RBFOX1: variants seen among roughly 807,000 people sequenced by gnomAD.
RBFOX1 encodes the protein RNA binding fox-1 homolog 1.
RBFOX1 carries 8 observed loss-of-function variants against 57.7 expected under a neutral mutation model. The observed-to-expected ratio is 0.14, with a 90% CI of 0.08 to 0.25. The LOEUF is 0.25. Ranked by LOEUF, RBFOX1 falls within the 10% of genes least tolerant of loss-of-function variation. The probability of loss-of-function intolerance (pLI) is 1.00; values close to 1 mark genes in which losing one functional copy is unlikely to be tolerated. For missense variants in RBFOX1, 611 were observed against 548.5 expected (o/e 1.11, Z -1.14); for synonymous variants, 326 against 222.4 (o/e 1.47, Z -4.15).
chr16:7,125,885 C>G (rs1248517331), intron 4 of RBFOX1, among the ~76,000 whole-genome samples: 2 of 152,080 alleles, frequency 1.3e-5, no homozygotes, highest in South Asian at 4.1e-4. Context: ...GAGTTCAAGA[C>G]CATCCTGGCC....
At chr16:6,144,301 T>TG (rs1301203354) in intron 1 of RBFOX1, among the ~76,000 whole-genome samples, 1 of 152,232 alleles carries the variant, frequency 6.6e-6, no homozygotes, top group Non-Finnish European at 1.5e-5. Context: ...ATGGGCTTCC[T>TG]GCTTCAGTTT....
At chr16:6,899,168 A>G (rs28515973) in intron 3 of RBFOX1, among the ~76,000 whole-genome samples, 2 of 143,866 alleles carry the variant, frequency 1.4e-5, no homozygotes, top group East Asian at 2.1e-4. Context: ...TAACATGTGT[A>G]TGTGTGTGTA....
chr16:6,914,429 A>T (rs1478712771), intron 3 of RBFOX1, among the ~76,000 whole-genome samples: 1 of 152,196 alleles, frequency 6.6e-6, no homozygotes, highest in Non-Finnish European at 1.5e-5. Context: ...GAGAAAAGAC[A>T]GTAGTAAAGG....
At chr16:7,455,739 A>T (rs1176355614) in intron 4 of RBFOX1, among the ~76,000 whole-genome samples, 1 of 138,888 alleles carries the variant, frequency 7.2e-6, no homozygotes, top group Non-Finnish European at 1.5e-5. Flanking sequence ...ATGAGCCGAG[A>T]TTGTGCCATT....
At chr16:7,688,832 C>T (rs538353144) in intron 14 of RBFOX1, among the ~76,000 whole-genome samples, 1 of 151,474 alleles carries the variant, frequency 6.6e-6, no homozygotes, top group Non-Finnish European at 1.5e-5. Context: ...TTCTTTCTCT[C>T]AATTATTCTC....
At chr16:7,394,704 T>G (rs1451444487) in intron 4 of RBFOX1, among the ~76,000 whole-genome samples, 2 of 152,222 alleles carry the variant, frequency 1.3e-5, no homozygotes, top group African/African-American at 2.4e-5. Context: ...GGGTTTCATG[T>G]GCCCCGGTTG....
intron 3 of RBFOX1, among the ~76,000 whole-genome samples, chr16:5,738,633 C>CAAAAAAAA (rs2052665346): frequency 2.2e-5 from 1 of 44,656 alleles, no homozygotes; most frequent in Non-Finnish European, 4.3e-5. Context: ...GGCTCTGTCT[C>CAAAAAAAA]AGAAAAAAAA....
rs57685233 is a variant in RBFOX1, at chr16:6,507,507, C to CAAAAAAAAAAAAAAAAAAAAAAAAAAAAA, written c.-63-147078_-63-147077insAAAAAAAAAAAAAAAAAAAAAAAAAAAAA. Among the ~76,000 whole-genome samples the CAAAAAAAAAAAAAAAAAAAAAAAAAAAAA allele has an allele frequency of 2.1e-5, 2 of 97,208 alleles. 1 individual carries two copies. Among genetic ancestry groups the CAAAAAAAAAAAAAAAAAAAAAAAAAAAAA allele is most frequent in the Non-Finnish European group, 3.8e-5 (2 of 52,138 alleles). 63.8% of individuals were successfully genotyped at this position (97,208 alleles called of 152,430 possible). ...GCAACATAACAAGACCCTATCTGTA[C>CAAAAAAAAAAAAAAAAAAAAAAAAAAAAA]AAAAAAAAAAAAAAAAAAGCCTGGC... On this transcript the variant is annotated intron_variant, in intron 2 of 15. Transcript: ENST00000550418.
At chr16:6,910,624 G>T (rs1471054793) in intron 3 of RBFOX1, among the ~76,000 whole-genome samples, 3 of 152,196 alleles carry the variant, frequency 2.0e-5, no homozygotes, top group Admixed American at 6.5e-5. Flanking sequence ...GGAGAAGGCA[G>T]TTTCCCATCT....
At position 5,548,584 on chromosome 16, in the gene RBFOX1, G is replaced by A. The variant is rs115887778; in HGVS notation, c.259-50318G>A. ...ATTCTCCATGATGTGTTTATTTCAC[G>A]TTGCATGCCTGTATCAAAACATCTC... On this transcript the variant is annotated intron_variant, in intron 2 of 2. Transcript: ENST00000585867. Among the ~76,000 whole-genome samples, 1,269 of 152,048 alleles carry A rather than the reference G, an allele frequency of 8.3e-3. 24 individuals carry two copies. The highest frequency in any genetic ancestry group is 0.029 in the African/African-American group (1,187 of 41,458).
chr16:5,654,840 C>G (rs12444593), intron 3 of RBFOX1, among the ~76,000 whole-genome samples: 2 of 151,714 alleles, frequency 1.3e-5, no homozygotes, highest in Non-Finnish European at 2.9e-5. Flanking sequence ...CTCCTTCCCT[C>G]GTGGCTTCCA....
chr16:7,390,673 G>A (rs902657391), intron 4 of RBFOX1, among the ~76,000 whole-genome samples: 1 of 152,158 alleles, frequency 6.6e-6, no homozygotes, highest in Non-Finnish European at 1.5e-5. Flanking sequence ...GGTGATTTTT[G>A]ATGAAAAGAA....
chr16:7,615,597 C>T lies in RBFOX1; in HGVS notation c.676+8259C>T, dbSNP rs564497480. Among the ~76,000 whole-genome samples the T allele has an allele frequency of 4.6e-5, 7 of 152,256 alleles. No homozygotes were observed. The South Asian group carries it at 1.5e-3, about 32-fold the overall frequency. Reference sequence around the variant, plus strand: ...AGCTCATTTTCTACCTACAAGCTGCCTCCCACCAATGCTTTAGTTAACCCA... The same window carrying T: ...AGCTCATTTTCTACCTACAAGCTGCTTCCCACCAATGCTTTAGTTAACCCA... On this transcript the variant is annotated intron_variant, in intron 10 of 15. Coordinates refer to ENST00000550418, the MANE Select transcript of RBFOX1 (RefSeq NM_018723.4).
At chr16:6,667,830 A>T (rs1005003459) in intron 3 of RBFOX1, among the ~76,000 whole-genome samples, 11 of 152,096 alleles carry the variant, frequency 7.2e-5, no homozygotes, top group African/African-American at 2.7e-4. Context: ...TCGAGGCTGC[A>T]GTGACCTATA....
intron 4 of RBFOX1, among the ~76,000 whole-genome samples, chr16:7,187,447 T>C (rs2152564716): frequency 6.6e-6 from 1 of 151,718 alleles, no homozygotes; most frequent in Admixed American, 6.6e-5. Flanking sequence ...CCCAGCACTT[T>C]GAGAGGCCAA....
chr16:7,119,664 C>G (rs2066679647), intron 4 of RBFOX1, among the ~76,000 whole-genome samples: 1 of 151,684 alleles, frequency 6.6e-6, no homozygotes, highest in South Asian at 2.1e-4. Context: ...ACAAAACAAT[C>G]TTAAACAATC....
intron 1 of RBFOX1, among the ~76,000 whole-genome samples, chr16:5,308,003 A>G (rs369270092): frequency 9.2e-5 from 14 of 152,194 alleles, no homozygotes; most frequent in African/African-American, 3.4e-4. Context: ...TAAAATAGTC[A>G]TGCTTGTGGT....
chr16:6,940,432 C>G (rs143769571), intron 3 of RBFOX1, among the ~76,000 whole-genome samples: 1,748 of 152,288 alleles, frequency 0.011, 33 homozygotes, highest in African/African-American at 0.036. Context: ...TTAATCTTCT[C>G]TCTGTCCACA....
At chr16:6,643,127 A>C (rs1253106593) in intron 2 of RBFOX1, among the ~76,000 whole-genome samples, 1 of 152,220 alleles carries the variant, frequency 6.6e-6, no homozygotes, top group Non-Finnish European at 1.5e-5. Flanking sequence ...ATTAGGGCTT[A>C]GTAATTAAAA....
Sources: allele counts gnomAD v4.1 joint callset (sites outside exome capture counted in the v4.1 genomes callset), GRCh38; gene constraint gnomAD v4.1.1; transcripts MANE v1.5; gene names NCBI Gene and HGNC (gene_info 2026-07-23, HGNC 2026-07-21).